The following SKOR1 variants were observed in gnomAD, a reference collection of about 807,000 sequenced individuals.
SKOR1 encodes LBX1 corepressor 1.
A neutral mutation model predicts 72.4 loss-of-function variants in SKOR1; 38 were observed. The ratio of observed to expected loss-of-function variants is 0.52; its 90% CI spans 0.40 to 0.69. The LOEUF (loss-of-function observed/expected upper bound fraction) is 0.69, where lower values mean the gene tolerates loss of function less well. Ranked by LOEUF, SKOR1 falls within the 30% of genes least tolerant of loss-of-function variation. The pLI, the probability that SKOR1 is intolerant of heterozygous loss-of-function variation, is 0.00. For synonymous variants in SKOR1, 642 were observed against 599.4 expected, an observed-to-expected ratio of 1.07 and a Z score of -1.04; for missense variants, 1,320 against 1,343.2, an observed-to-expected ratio of 0.98 and a Z score of 0.27.
chr15:67,829,238 G>T lies in SKOR1; in HGVS notation c.2376G>T (p.Ala792=). 1 of 1,569,680 alleles carries T rather than the reference G, an allele frequency of 6.4e-7. No homozygotes were observed. ...VKSAAVALGP[A]ASYVCTPEAH... is the part of the protein sequence containing the mutation. ...GCGCGGCGGTGGCGCTGGGGCCCGC[G>T]GCCTCCTACGTCTGCACCCCCGAGG... The change falls in exon 3 of 9, where the codon GCG becomes GCT. Residue 792 remains alanine (A), a synonymous_variant. Coordinates refer to ENST00000380035, the MANE Select transcript of SKOR1 (RefSeq NM_001365915.1).
chr15:67,833,790 G>T lies in SKOR1; in HGVS notation c.2852G>T (p.Arg951Leu). ...HHFSCKMLTP[R>L]HCTGNCSFKP... ...TTCTCCTGCAAGATGCTGACGCCCC[G>T]CCACTGCACTGGCAACTGCTCCTTC... The change falls in exon 9 of 9, where the codon CGC becomes CTC. Residue 951 changes from arginine to leucine, a missense_variant. Around this residue, in one of 3 missense-constraint regions of SKOR1, gnomAD observed 1,099 missense variants for 1,025.5 expected, o/e 1.07. Coordinates refer to ENST00000380035, the MANE Select transcript of SKOR1 (RefSeq NM_001365915.1). The surrounding 1 kb of genome is among the most constrained non-coding windows in gnomAD (Gnocchi z 6.0). 1 of 1,612,958 alleles carries T rather than the reference G, an allele frequency of 6.2e-7. No individual in the cohort carries two copies. Among genetic ancestry groups the T allele is most frequent in the East Asian group, 2.2e-5 (1 of 44,880 alleles).
intron 2 of SKOR1, 40 bp downstream of exon 2, chr15:67,828,184 C>T (rs1374145492): frequency 1.0e-5 from 14 of 1,395,936 alleles, no homozygotes; most frequent in Non-Finnish European, 1.3e-5. Context: ...GCCTTCCCAC[C>T]TACCCTGTGC....
At chr15:67,828,331 G>A (rs1011790585) in intron 2 of SKOR1, among the ~76,000 whole-genome samples, 187 bp downstream of exon 2, 1 of 152,240 alleles carries the variant, frequency 6.6e-6, no homozygotes, top group Non-Finnish European at 1.5e-5. Flanking sequence ...CCTCCAGTGA[G>A]GGTTTCGAAG....
Position 67,830,237 on chromosome 15 carries a change from G to T in SKOR1, c.2454G>T (p.Thr818=). The T allele has an allele frequency of 3.1e-6, 5 of 1,614,214 alleles. No individual in the cohort carries two copies. Among genetic ancestry groups the T allele is most frequent in the Non-Finnish European group, 4.2e-6 (5 of 1,180,026 alleles). Residue 818 remains threonine, a synonymous_variant, in exon 4 of 9, where the codon ACG becomes ACT. Transcript: ENST00000380035. ...DNHSPADDLE[T]RKSYPDQRSI... ...ACTCGCCCGCCGATGATTTGGAAAC[G>T]AGGAAATCCTATCCAGACCAAAGGA...
At chr15:67,830,373 G>A in intron 4 of SKOR1, 75 bp downstream of exon 4, 1 of 1,298,494 alleles carries the variant, frequency 7.7e-7, no homozygotes, top group South Asian at 1.2e-5. Context: ...GTTCCCAGAG[G>A]CTTGCGAGAA....
At position 67,833,434 on chromosome 15, in the gene SKOR1, AAAAG is replaced by A. The variant is rs1339865989; in HGVS notation, c.2803+183_2803+186del. Among the ~76,000 whole-genome samples, 13 of 152,144 alleles carry A rather than the reference AAAAG, an allele frequency of 8.5e-5. No homozygotes were observed. The highest frequency in any genetic ancestry group is 2.6e-4 in the Admixed American group (4 of 15,282). On this transcript the variant is annotated intron_variant, in intron 8 of 8. Coordinates refer to ENST00000380035, the MANE Select transcript of SKOR1 (RefSeq NM_001365915.1). This position sits in a 1 kb window ranked among gnomAD's most constrained non-coding sequence, Gnocchi z 6.0. Reference sequence around the variant, plus strand: ...AGATTATTCTAGGATGGTGGGGGTAAAAAGAAAGAGCCCCTTGGGCTTTGGACGT... The same window carrying A: ...AGATTATTCTAGGATGGTGGGGGTAAAAAGAGCCCCTTGGGCTTTGGACGT...
At position 67,826,546 on chromosome 15, in the gene SKOR1, G is replaced by T; in HGVS notation, c.718G>T (p.Ala240Ser). Residue 240 changes from alanine (A) to serine (S), a missense_variant, in exon 2 of 9, where the codon GCC (alanine) becomes TCC (serine). Transcript: ENST00000380035. ...PDAKYTQPDA[A>S]NFNSWRRHLK... Reference sequence around the variant, plus strand: ...CGCCAAGTACACGCAGCCCGATGCCGCCAACTTCAACTCCTGGCGTCGTCA... The same window carrying T: ...CGCCAAGTACACGCAGCCCGATGCCTCCAACTTCAACTCCTGGCGTCGTCA... 1 of 1,613,864 alleles carries T rather than the reference G, an allele frequency of 6.2e-7. No individual in the cohort carries two copies. The highest frequency in any genetic ancestry group is 8.5e-7 in the Non-Finnish European group (1 of 1,179,828).
chr15:67,831,355 A>C (rs2091006574), intron 5 of SKOR1, among the ~76,000 whole-genome samples: 1 of 152,180 alleles, frequency 6.6e-6, no homozygotes, highest in Non-Finnish European at 1.5e-5. Context: ...AACCACCTCC[A>C]CCTTACCCTA....
At position 67,832,874 on chromosome 15, in the gene SKOR1, A is replaced by G. The variant is rs1307814696; in HGVS notation, c.2737+193A>G. The G allele has an allele frequency of 6.6e-6, 4 of 609,474 alleles. No individual in the cohort carries two copies. The highest frequency in any genetic ancestry group is 5.8e-6 in the Non-Finnish European group (2 of 345,662). 37.8% of individuals were successfully genotyped at this position (609,474 alleles called of 1,614,324 possible). A position where few individuals can be genotyped will look rare whatever the true frequency, so the allele number is the denominator to read the frequency against. ...GCCCAGCAAACGGCTTGCAGGCATC[A>G]TTACATGGAGTGATTGAACTTCTTA... is the stretch of plus-strand genomic sequence containing the variant. On this transcript the variant is annotated intron_variant, in intron 7 of 8. Coordinates refer to ENST00000380035, the MANE Select transcript of SKOR1 (RefSeq NM_001365915.1). This position sits in a 1 kb window ranked among gnomAD's most constrained non-coding sequence, Gnocchi z 4.5.
At chr15:67,831,368 T>G (rs984329202) in intron 5 of SKOR1, among the ~76,000 whole-genome samples, 11 of 152,192 alleles carry the variant, frequency 7.2e-5, no homozygotes, top group African/African-American at 2.4e-4. Flanking sequence ...TTACCCTAAA[T>G]GGAGTGTGGA....
At position 67,832,415 on chromosome 15, in the gene SKOR1, C is replaced by T. The variant is rs2091015351; in HGVS notation, c.2662+67C>T. The T allele has an allele frequency of 3.2e-6, 5 of 1,561,046 alleles. No homozygotes were observed. The highest frequency in any genetic ancestry group is 1.1e-5 in the South Asian group (1 of 89,372). The stretch of plus-strand genomic sequence containing the variant: ...CCTTCCACCAGGGTGCCCCGACCTA[C>T]TCCGAAAGCCGGGTGCCAGGCAACT... On this transcript the variant is annotated intron_variant, in intron 6 of 8. Coordinates refer to ENST00000380035, the MANE Select transcript of SKOR1 (RefSeq NM_001365915.1). The surrounding 1 kb of genome is among the most constrained non-coding windows in gnomAD (Gnocchi z 4.5).
In SKOR1 at chr15:67,832,494, C is replaced by T. The variant is rs1416596821; in HGVS notation, c.2663-113C>T. ...AACTGTCCTTTTCCAGGGCTGCAGG[C>T]GAATGGCTGGGTGGGAGTTGGGGGT... On this transcript the variant is annotated intron_variant, in intron 6 of 8. Coordinates refer to ENST00000380035, the MANE Select transcript of SKOR1 (RefSeq NM_001365915.1). The surrounding 1 kb of genome is among the most constrained non-coding windows in gnomAD (Gnocchi z 4.5). The T allele has an allele frequency of 2.8e-5, 37 of 1,305,766 alleles. No individual in the cohort carries two copies. Among genetic ancestry groups the T allele is most frequent in the Admixed American group, 1.8e-5 (1 of 55,050 alleles). The allele number at this position is 1,305,766 out of a possible 1,614,324, so 80.9% of individuals were successfully genotyped here. A position where few individuals can be genotyped will look rare whatever the true frequency, so the allele number is the denominator to read the frequency against.
At position 67,825,808 on chromosome 15, in the gene SKOR1, T is replaced by G; in HGVS notation, c.107+99T>G. The G allele has an allele frequency of 1.3e-6, 2 of 1,524,356 alleles. No individual in the cohort carries two copies. Among genetic ancestry groups the G allele is most frequent in the Non-Finnish European group, 1.8e-6 (2 of 1,124,430 alleles). 94.4% of individuals were successfully genotyped at this position (1,524,356 alleles called of 1,614,324 possible). The stretch of plus-strand genomic sequence containing the variant: ...AAAAGACGCCTGTCCAGGGGGTGAA[T>G]GAGTTTGGACTCCCCACTGCCAAGT... On this transcript the variant is annotated intron_variant, in intron 1 of 8. Transcript: ENST00000380035. The surrounding 1 kb of genome is among the most constrained non-coding windows in gnomAD (Gnocchi z 5.6).
At chr15:67,828,235 T>C (rs1443465398) in intron 2 of SKOR1, 91 bp downstream of exon 2, 2 of 1,357,666 alleles carry the variant, frequency 1.5e-6, no homozygotes, top group Admixed American at 3.9e-5. Context: ...GGGAATTTTG[T>C]TCCGCGCAGG....
In SKOR1 at chr15:67,833,006, C is replaced by T. The variant is rs952202762; in HGVS notation, c.2738-186C>T. 4.7e-6 allele frequency: 3 copies of T among 637,256 alleles called. No homozygotes were observed. The highest frequency in any genetic ancestry group is 8.2e-6 in the Non-Finnish European group (3 of 366,952). The allele number at this position is 637,256 out of a possible 1,614,324, so 39.5% of individuals were successfully genotyped here. ...TTGGTTAGATCCATCTGCCTTTAAG[C>T]GCCATCCCAGGCCATTTCCTTCCTC... On this transcript the variant is annotated intron_variant, in intron 7 of 8. Coordinates refer to ENST00000380035, the MANE Select transcript of SKOR1 (RefSeq NM_001365915.1). The surrounding 1 kb of genome is among the most constrained non-coding windows in gnomAD (Gnocchi z 6.0).
chr15:67,827,108 G>C lies in SKOR1; in HGVS notation c.1280G>C (p.Ser427Thr). 7.1e-7 allele frequency: 1 copy of C among 1,417,664 alleles called. No individual in the cohort carries two copies. The highest frequency in any genetic ancestry group is 9.1e-7 in the Non-Finnish European group (1 of 1,093,606). 87.8% of individuals were successfully genotyped at this position (1,417,664 alleles called of 1,614,324 possible). A position where few individuals can be genotyped will look rare whatever the true frequency, so the allele number is the denominator to read the frequency against. Reference sequence around the variant, plus strand: ...CCAAAGGGCGGTCCTGGCACTGGGAGCGGCGGCGGCGGCGCGGGGACAGGC... The same window carrying C: ...CCAAAGGGCGGTCCTGGCACTGGGACCGGCGGCGGCGGCGCGGGGACAGGC... ...GEPKGGPGTG[S>T]GGGGAGTGGG... The change falls in exon 2 of 9, where the codon AGC becomes ACC. Residue 427 changes from serine (S) to threonine (T), a missense_variant. This residue lies in a region of SKOR1 where 1,099 missense variants were observed against 1,025.5 expected (regional missense o/e 1.07). Coordinates refer to ENST00000380035, the MANE Select transcript of SKOR1 (RefSeq NM_001365915.1).
chr15:67,827,634 C>T lies in SKOR1; in HGVS notation c.1806C>T (p.Thr602=), dbSNP rs557655883. 3.9e-6 allele frequency: 6 copies of T among 1,531,250 alleles called. No homozygotes were observed. Among genetic ancestry groups the T allele is most frequent in the Middle Eastern group, 1.7e-4 (1 of 5,808 alleles). The allele number at this position is 1,531,250 out of a possible 1,614,324, so 94.9% of individuals were successfully genotyped here. The change falls in exon 2 of 9, where the codon ACC becomes ACT. Residue 602 remains threonine (T), a synonymous_variant. Transcript: ENST00000380035. ...VSAFRPVVKD[T]ESIAKLYGSA... is the part of the protein sequence containing the mutation. ...CCTTCCGGCCGGTGGTCAAGGACAC[C>T]GAGAGCATCGCTAAGCTCTACGGGA...
At position 67,825,569 on chromosome 15, in the gene SKOR1, C is replaced by A. The variant is rs781597354; in HGVS notation, c.-34C>A. On this transcript the variant is annotated 5_prime_UTR_variant, in exon 1 of 9. Coordinates refer to ENST00000380035, the MANE Select transcript of SKOR1 (RefSeq NM_001365915.1). This position sits in a 1 kb window ranked among gnomAD's most constrained non-coding sequence, Gnocchi z 5.6. ...GGCTGCGAGGGTTGCCGAAGGCGCACGGATCTGGGCGCTGAAAAAGCCAGG... is the reference window on the plus strand; with the variant it reads ...GGCTGCGAGGGTTGCCGAAGGCGCAAGGATCTGGGCGCTGAAAAAGCCAGG... 2.8e-6 allele frequency: 2 copies of A among 725,708 alleles called. No homozygotes were observed. The highest frequency in any genetic ancestry group is 1.5e-5 in the South Asian group (1 of 67,838). 45.0% of individuals were successfully genotyped at this position (725,708 alleles called of 1,614,324 possible). A position where few individuals can be genotyped will look rare whatever the true frequency, so the allele number is the denominator to read the frequency against.
rs535367621 is a variant in SKOR1 at position 67,834,150 on chromosome 15, C to G, written c.*314C>G. 8.0e-4 allele frequency: 362 copies of G among 453,456 alleles called. No individual in the cohort carries two copies. Among genetic ancestry groups the G allele is most frequent in the South Asian group, 3.3e-3 (155 of 46,728 alleles). 28.1% of individuals were successfully genotyped at this position (453,456 alleles called of 1,614,324 possible). A position where few individuals can be genotyped will look rare whatever the true frequency, so the allele number is the denominator to read the frequency against. On this transcript the variant is annotated 3_prime_UTR_variant, in exon 9 of 9. Coordinates refer to ENST00000380035, the MANE Select transcript of SKOR1 (RefSeq NM_001365915.1). This position sits in a 1 kb window ranked among gnomAD's most constrained non-coding sequence, Gnocchi z 5.8. ...ACGGGGGGCGGGAGGGGAGAGCGCC[C>G]CCTCCCATTGTATAGCCTTGAACCC... is the stretch of plus-strand genomic sequence containing the variant.
Sources: allele counts gnomAD v4.1 joint callset (sites outside exome capture counted in the v4.1 genomes callset), GRCh38; gene constraint gnomAD v4.1.1; regional missense constraint gnomAD v4.1.1; non-coding constraint Gnocchi (gnomAD v3.1); transcripts MANE v1.5; gene names NCBI Gene and HGNC (gene_info 2026-07-23, HGNC 2026-07-21).